RORA: variants seen among roughly 807,000 people sequenced by gnomAD.
The protein encoded by RORA is RAR related orphan receptor A, also known as nuclear receptor ROR-alpha.
A neutral mutation model predicts 69.5 loss-of-function variants in RORA; 7 were observed. The ratio of observed to expected loss-of-function variants is 0.10; its 90% CI spans 0.06 to 0.19. RORA has a LOEUF of 0.19. Among genes scored for constraint, RORA ranks in the 10% least tolerant of loss-of-function variants. The pLI, the probability that RORA is intolerant of heterozygous loss-of-function variation, is 1.00. For missense variants in RORA, 457 were observed against 663.0 expected (o/e 0.69, Z 3.41); for synonymous variants, 261 against 240.8 (o/e 1.08, Z -0.78).
chr15:61,083,974 T>A (rs536890648), intron 1 of RORA, among the ~76,000 whole-genome samples: 1 of 152,250 alleles, frequency 6.6e-6, no homozygotes, highest in Non-Finnish European at 1.5e-5. Context: ...CCCTTTAGGG[T>A]TGAACCAACA....
chr15:60,567,844 T>G (rs899322747), intron 2 of RORA, among the ~76,000 whole-genome samples: 3 of 152,202 alleles, frequency 2.0e-5, no homozygotes, highest in Non-Finnish European at 4.4e-5. Flanking sequence ...TTCCATTTAT[T>G]CCTTTACTTA....
chr15:61,077,634 C>T (rs1384408279), intron 1 of RORA, among the ~76,000 whole-genome samples: 1 of 152,172 alleles, frequency 6.6e-6, no homozygotes, highest in African/African-American at 2.4e-5. Context: ...AAACACTTCT[C>T]TCCATGTTTA....
chr15:60,643,609 C>T (rs1384282559), intron 2 of RORA, among the ~76,000 whole-genome samples: 2 of 152,158 alleles, frequency 1.3e-5, no homozygotes, highest in Non-Finnish European at 2.9e-5. Flanking sequence ...CTATGCCTTC[C>T]AGCAGGGGTG....
chr15:60,938,929 C>T (rs992680926), intron 1 of RORA, among the ~76,000 whole-genome samples: 2 of 152,192 alleles, frequency 1.3e-5, no homozygotes, highest in East Asian at 1.9e-4. Context: ...GGCCCATGCC[C>T]GGCTTCTTAA....
intron 1 of RORA, among the ~76,000 whole-genome samples, chr15:60,850,064 C>A (rs894855465): frequency 6.6e-6 from 1 of 152,176 alleles, no homozygotes; most frequent in Admixed American, 6.5e-5. Flanking sequence ...TTTTAACAAG[C>A]ATGGCGGTAT....
intron 1 of RORA, among the ~76,000 whole-genome samples, chr15:60,788,215 A>G (rs1275768970): frequency 6.6e-6 from 1 of 152,232 alleles, no homozygotes; most frequent in Non-Finnish European, 1.5e-5. Context: ...CATCCACTCC[A>G]CTGACATTTA....
At chr15:61,034,312 T>A (rs1418875711) in intron 1 of RORA, among the ~76,000 whole-genome samples, 1 of 152,184 alleles carries the variant, frequency 6.6e-6, no homozygotes, top group Non-Finnish European at 1.5e-5. Flanking sequence ...CTTTTAAAAA[T>A]GTCATTCTTG....
At chr15:60,547,784 C>G (rs924043920) in intron 2 of RORA, 2 of 152,108 alleles carry the variant, frequency 1.3e-5, no homozygotes, top group Non-Finnish European at 2.9e-5. Flanking sequence ...GAGGTGAAAG[C>G]CATTTCAGAA....
At chr15:61,216,508 G>C (rs1476053368) in intron 1 of RORA, among the ~76,000 whole-genome samples, 1 of 141,460 alleles carries the variant, frequency 7.1e-6, no homozygotes, top group Non-Finnish European at 1.6e-5. Context: ...TTTTTTTTTT[G>C]GCAGAAAGGA....
Position 60,687,623 on chromosome 15 carries a change from G to A in RORA, c.167-8937C>T, listed in dbSNP as rs535920509. On this transcript the variant is annotated intron_variant, in intron 1 of 10. Transcript: ENST00000335670. ...AAAAACATTAGCTAGCCATGGTGGC[G>A]CATGCCTGAAGTCCCAGCTGCTCAG... 6.6e-5 allele frequency among the ~76,000 whole-genome samples: 10 copies of A among 152,156 alleles called. 1 individual carries two copies. Among genetic ancestry groups the A allele is most frequent in the Admixed American group, 3.3e-4 (5 of 15,278 alleles).
intron 1 of RORA, among the ~76,000 whole-genome samples, chr15:60,858,692 T>TAC (rs3053884): frequency 0.046 from 6,527 of 142,842 alleles, 157 homozygotes; most frequent in Non-Finnish European, 0.058. Context: ...AGAAAGAAAA[T>TAC]ACACACACAC....
chr15:60,999,630 G>T (rs887805304), intron 1 of RORA, among the ~76,000 whole-genome samples: 45 of 152,226 alleles, frequency 3.0e-4, no homozygotes, highest in African/African-American at 9.4e-4. Flanking sequence ...CCCCTGCCGC[G>T]GCCTTATCAA....
chr15:60,753,156 G>C (rs548065989), intron 1 of RORA, among the ~76,000 whole-genome samples: 14 of 152,174 alleles, frequency 9.2e-5, no homozygotes, highest in Non-Finnish European at 1.6e-4. Context: ...TCAGAACAGG[G>C]AGCAGCACGT....
chr15:60,500,049 T>A, intron 9 of RORA, 45 bp from the exon 10 acceptor site: 1 of 1,196,296 alleles, frequency 8.4e-7, no homozygotes. Flanking sequence ...TCTGACATGG[T>A]GTCAGGATCC....
chr15:60,955,031 T>TG, intron 1 of RORA, among the ~76,000 whole-genome samples: 1 of 152,286 alleles, frequency 6.6e-6, no homozygotes, highest in South Asian at 2.1e-4. Flanking sequence ...AGGCTGGGCG[T>TG]GGTGACTCAT....
At chr15:60,751,585 C>T (rs2071724197) in intron 1 of RORA, among the ~76,000 whole-genome samples, 1 of 152,122 alleles carries the variant, frequency 6.6e-6, no homozygotes, top group African/African-American at 2.4e-5. Flanking sequence ...GACCAAGGTC[C>T]TGGGCAGCTG....
At chr15:60,838,709 C>T (rs543766179) in intron 1 of RORA, among the ~76,000 whole-genome samples, 109 of 152,286 alleles carry the variant, frequency 7.2e-4, no homozygotes, top group Non-Finnish European at 1.3e-3. Flanking sequence ...TTCCAGGGCA[C>T]ATGGTTTAAC....
At chr15:60,801,221 A>G (rs1310342928) in intron 1 of RORA, among the ~76,000 whole-genome samples, 1 of 152,188 alleles carries the variant, frequency 6.6e-6, no homozygotes, top group African/African-American at 2.4e-5. Flanking sequence ...TTGGGTGGAA[A>G]GGTTCAATTA....
At chr15:60,508,872 A>T (rs553381383) in intron 5 of RORA, among the ~76,000 whole-genome samples, 1 of 152,352 alleles carries the variant, frequency 6.6e-6, no homozygotes, top group South Asian at 2.1e-4. Flanking sequence ...TAGGTCGTTT[A>T]TCTGGAATGT....
Sources: allele counts gnomAD v4.1 joint callset (sites outside exome capture counted in the v4.1 genomes callset), GRCh38; gene constraint gnomAD v4.1.1; transcripts MANE v1.5; gene names NCBI Gene and HGNC (gene_info 2026-07-23, HGNC 2026-07-21).